The following NXN variants were observed in gnomAD, a reference collection of about 807,000 sequenced individuals.
The protein encoded by NXN is nucleoredoxin, also known as nucleoredoxin 1.
A neutral mutation model predicts 48.6 loss-of-function variants in NXN; 16 were observed. That is an observed-to-expected ratio of 0.33 (90% CI 0.22 to 0.50). The LOEUF is 0.50. Among genes scored for constraint, NXN ranks in the 20% least tolerant of loss-of-function variants. The probability of loss-of-function intolerance (pLI) is 0.98; values close to 1 mark genes in which losing one functional copy is unlikely to be tolerated. For synonymous variants in NXN, 281 were observed against 269.6 expected, an observed-to-expected ratio of 1.04 and a Z score of -0.41; for missense variants, 492 against 605.5, an observed-to-expected ratio of 0.81 and a Z score of 1.97.
chr17:805,020 T>TCCCCCCCCCCCCCCCCCCCCCCCCCCCC, intron 6 of NXN, 48 bp downstream of exon 6: 4 of 1,512,872 alleles, frequency 2.6e-6, no homozygotes, highest in Non-Finnish European at 3.6e-6. Flanking sequence ...GCCCCTCCTG[T>TCCCCCCCCCCCCCCCCCCCCCCCCCCCC]CCCGCCCCCC....
At chr17:969,779 A>T (rs1014374095) in intron 1 of NXN, among the ~76,000 whole-genome samples, 3 of 151,736 alleles carry the variant, frequency 2.0e-5, no homozygotes, top group Non-Finnish European at 4.4e-5. Context: ...AAGACAAATT[A>T]AAAAAAAATG....
chr17:810,686 T>C (rs1597616329), intron 5 of NXN, among the ~76,000 whole-genome samples: 3 of 152,160 alleles, frequency 2.0e-5, no homozygotes, highest in South Asian at 2.1e-4. Flanking sequence ...GGTCAGGAGG[T>C]GGAGACCAGC....
At position 826,081 on chromosome 17, in the gene NXN, G is replaced by A; in HGVS notation, c.361-3C>T. Reference sequence around the variant, plus strand: ...CGGTATTTGTTCCAAAGTTTGAGCTGTATGAAGAAAAGCAAAAGAAGGTGG... The same window carrying A: ...CGGTATTTGTTCCAAAGTTTGAGCTATATGAAGAAAAGCAAAAGAAGGTGG... On this transcript the variant is annotated splice_region_variant and splice_polypyrimidine_tract_variant and intron_variant, in intron 1 of 7. Coordinates refer to ENST00000336868, the MANE Select transcript of NXN (RefSeq NM_022463.5). 1.3e-6 allele frequency: 2 copies of A among 1,599,666 alleles called. No homozygotes were observed. Among genetic ancestry groups the A allele is most frequent in the Non-Finnish European group, 1.7e-6 (2 of 1,166,796 alleles).
intron 1 of NXN, among the ~76,000 whole-genome samples, chr17:851,464 G>A (rs186158995): frequency 4.3e-4 from 66 of 152,370 alleles, no homozygotes; most frequent in Non-Finnish European, 8.2e-4. Flanking sequence ...CACAAGAAAG[G>A]GCAGGTGGAA....
At chr17:924,733 C>T (rs983487011) in intron 1 of NXN, among the ~76,000 whole-genome samples, 1 of 152,106 alleles carries the variant, frequency 6.6e-6, no homozygotes, top group African/African-American at 2.4e-5. Context: ...CGTTCCGTTC[C>T]GTTCCCCTGC....
At chr17:853,849 A>T (rs112119756) in intron 1 of NXN, among the ~76,000 whole-genome samples, 33 of 150,892 alleles carry the variant, frequency 2.2e-4, no homozygotes, top group African/African-American at 8.1e-4. Context: ...CCAGCCTCCC[A>T]AGTAGCTGGG....
intron 1 of NXN, among the ~76,000 whole-genome samples, chr17:906,555 G>T (rs1455928954): frequency 1.7e-5 from 2 of 117,362 alleles, no homozygotes; most frequent in South Asian, 5.0e-4. Context: ...GTGTTTTGGG[G>T]TTTTTTTGGT....
intron 1 of NXN, among the ~76,000 whole-genome samples, chr17:897,687 T>TG (rs1031655182): frequency 1.3e-4 from 9 of 70,590 alleles, no homozygotes; most frequent in Non-Finnish European, 3.9e-4. Context: ...TCTTTTATTC[T>TG]TTTTTCGAGA....
chr17:955,254 G>A (rs933155252), intron 1 of NXN, among the ~76,000 whole-genome samples: 1 of 143,738 alleles, frequency 7.0e-6, no homozygotes, highest in African/African-American at 2.6e-5. Flanking sequence ...TGCAACCTCC[G>A]CCTCCCGGGT....
Position 898,947 on chromosome 17 carries a change from G to A in NXN, c.361-72869C>T, listed in dbSNP as rs896432407. ...GACAGGGCTGGGATTCTGCCTCTGT[G>A]CATGCTTTTTTTTTTTTTCTTTTTT... On this transcript the variant is annotated intron_variant, in intron 1 of 7. Coordinates refer to ENST00000336868, the MANE Select transcript of NXN (RefSeq NM_022463.5). Among the ~76,000 whole-genome samples, 124 of 68,988 alleles carry A rather than the reference G, an allele frequency of 1.8e-3. 52 individuals carry two copies. Among genetic ancestry groups the A allele is most frequent in the Non-Finnish European group, 3.7e-3 (83 of 22,604 alleles). The allele number at this position is 68,988 out of a possible 152,430, so 45.3% of individuals were successfully genotyped here. A position where few individuals can be genotyped will look rare whatever the true frequency, so the allele number is the denominator to read the frequency against.
At chr17:945,573 G>A (rs78442700) in intron 1 of NXN, among the ~76,000 whole-genome samples, 12 of 149,774 alleles carry the variant, frequency 8.0e-5, no homozygotes, top group South Asian at 2.1e-4. Flanking sequence ...AGAGCTTGCC[G>A]TGAGCCGAGA....
At chr17:810,127 GGC>G (rs1279343716) in intron 5 of NXN, among the ~76,000 whole-genome samples, 8 of 123,706 alleles carry the variant, frequency 6.5e-5, no homozygotes, top group Non-Finnish European at 1.1e-4. Context: ...CCGTGTGAGT[GGC>G]GTGCACGTTA....
intron 1 of NXN, among the ~76,000 whole-genome samples, chr17:950,389 G>A (rs7225938): frequency 0.033 from 5,013 of 152,190 alleles, 239 homozygotes; most frequent in African/African-American, 0.11. Context: ...GAAAGGATCC[G>A]AAGGCTTGGT....
intron 5 of NXN, among the ~76,000 whole-genome samples, chr17:808,380 G>A (rs375366877): frequency 6.7e-6 from 1 of 150,336 alleles, no homozygotes; most frequent in East Asian, 2.0e-4. Context: ...TCGGCTCACT[G>A]CAAGCTCCAC....
At chr17:801,328 C>T (rs539172418) in intron 7 of NXN, among the ~76,000 whole-genome samples, 197 bp from the exon 8 acceptor site, 1 of 152,166 alleles carries the variant, frequency 6.6e-6, no homozygotes, top group South Asian at 2.1e-4. Context: ...GTAAAATTCT[C>T]TCTTTGCATC....
In NXN at chr17:868,781, C is replaced by T. The variant is rs145193661; in HGVS notation, c.361-42703G>A. Reference sequence around the variant, plus strand: ...TGCTGGGATGACAGGCGTGAGCCACCGCACCCGGTCGAAACTACCTTCTCT... The same window carrying T: ...TGCTGGGATGACAGGCGTGAGCCACTGCACCCGGTCGAAACTACCTTCTCT... On this transcript the variant is annotated intron_variant, in intron 1 of 7. Coordinates refer to ENST00000336868, the MANE Select transcript of NXN (RefSeq NM_022463.5). Among the ~76,000 whole-genome samples the T allele has an allele frequency of 8.1e-4, 123 of 152,312 alleles. 1 individual carries two copies. The highest frequency in any genetic ancestry group is 3.4e-3 in the Middle Eastern group (1 of 294).
chr17:820,476 G>C (rs1007166018), intron 4 of NXN, among the ~76,000 whole-genome samples: 1 of 150,616 alleles, frequency 6.6e-6, no homozygotes, highest in Middle Eastern at 3.4e-3. Context: ...GCTGGGCATG[G>C]TGGTGGGCGC....
Position 825,888 on chromosome 17 carries a change from G to A in NXN, c.478+73C>T. 1.1e-6 allele frequency: 1 copy of A among 931,656 alleles called. No individual in the cohort carries two copies. The highest frequency in any genetic ancestry group is 1.7e-6 in the Non-Finnish European group (1 of 592,058). 57.7% of individuals were successfully genotyped at this position (931,656 alleles called of 1,614,324 possible). On this transcript the variant is annotated intron_variant, in intron 2 of 7. Transcript: ENST00000336868. The surrounding 1 kb of genome is among the most constrained non-coding windows in gnomAD (Gnocchi z 4.1). ...CAGTACTCTCTCCACCGGTGGGACG[G>A]AGATTAGCCTAAGGGCATGGAGGAG...
At chr17:847,968 A>G (rs2067882590) in intron 1 of NXN, among the ~76,000 whole-genome samples, 1 of 152,168 alleles carries the variant, frequency 6.6e-6, no homozygotes, top group Admixed American at 6.5e-5. Flanking sequence ...TTCCAGACCA[A>G]CATCAATTCT....
Sources: allele counts gnomAD v4.1 joint callset (sites outside exome capture counted in the v4.1 genomes callset), GRCh38; gene constraint gnomAD v4.1.1; non-coding constraint Gnocchi (gnomAD v3.1); transcripts MANE v1.5; gene names NCBI Gene and HGNC (gene_info 2026-07-23, HGNC 2026-07-21).